Variants in CWF19L2 observed in about 807,000 individuals in gnomAD.
CWF19L2 encodes CWF19 like cell cycle control factor 2.
Under a neutral mutation model 111.7 loss-of-function variants are expected in CWF19L2, and 98 were observed. The ratio of observed to expected loss-of-function variants is 0.88; its 90% CI spans 0.75 to 1.04. CWF19L2 has a LOEUF of 1.04. Among genes scored for constraint, CWF19L2 ranks in the 50% least tolerant of loss-of-function variants. The pLI, the probability that CWF19L2 is intolerant of heterozygous loss-of-function variation, is 0.00. For missense variants in CWF19L2, 1,101 were observed against 1,051.4 expected (o/e 1.05, Z -0.65); for synonymous variants, 351 against 342.9 (o/e 1.02, Z -0.26).
At chr11:107,439,942 C>T (rs1285089850) in intron 5 of CWF19L2, among the ~76,000 whole-genome samples, 2 of 152,246 alleles carry the variant, frequency 1.3e-5, no homozygotes, top group East Asian at 1.9e-4. Flanking sequence ...ATCAGAGGCA[C>T]AAGTTCAGTC....
At chr11:107,380,525 C>T (rs2134583372) in intron 12 of CWF19L2, among the ~76,000 whole-genome samples, 1 of 152,202 alleles carries the variant, frequency 6.6e-6, no homozygotes. Context: ...GATACCACTT[C>T]ACACCAAGGA....
chr11:107,338,247 C>G (rs1051406054), intron 14 of CWF19L2, among the ~76,000 whole-genome samples: 1 of 151,982 alleles, frequency 6.6e-6, no homozygotes, highest in African/African-American at 2.4e-5. Flanking sequence ...CTCCTGTTAC[C>G]CTTTTACAGT....
At chr11:107,374,005 G>C (rs889149580) in intron 12 of CWF19L2, among the ~76,000 whole-genome samples, 1 of 137,040 alleles carries the variant, frequency 7.3e-6, no homozygotes, top group Non-Finnish European at 1.6e-5. Context: ...CGATCAACTG[G>C]AAGAAAGGGT....
chr11:107,357,044 A>G lies in CWF19L2; in HGVS notation c.1873-3308T>C, dbSNP rs1860247586. On this transcript the variant is annotated intron_variant, in intron 12 of 17. Coordinates refer to ENST00000282251, the MANE Select transcript of CWF19L2 (RefSeq NM_152434.3). The stretch of plus-strand genomic sequence containing the variant: ...CAAGAGTGAAACTGCGTCTCAAACA[A>G]CAAAACAAAAACAAAAACAAAAACA... Among the ~76,000 whole-genome samples the G allele has an allele frequency of 1.0e-4, 7 of 68,142 alleles. 1 individual carries two copies. In the South Asian group the frequency reaches 2.6e-3, roughly 26 times the overall value. The allele number at this position is 68,142 out of a possible 152,430, so 44.7% of individuals were successfully genotyped here.
chr11:107,448,434 A>G (rs1371234533), intron 3 of CWF19L2, among the ~76,000 whole-genome samples: 1 of 151,964 alleles, frequency 6.6e-6, no homozygotes, highest in Non-Finnish European at 1.5e-5. Flanking sequence ...TAGAAAGGAA[A>G]AAGGCTAGAA....
At chr11:107,417,655 T>C (rs1861245830) in intron 9 of CWF19L2, among the ~76,000 whole-genome samples, 1 of 152,076 alleles carries the variant, frequency 6.6e-6, no homozygotes, top group Non-Finnish European at 1.5e-5. Flanking sequence ...AAAAGAAATT[T>C]AAAAGCATGA....
chr11:107,355,190 G>C (rs1242381947), intron 12 of CWF19L2, among the ~76,000 whole-genome samples: 4 of 152,128 alleles, frequency 2.6e-5, no homozygotes, highest in African/African-American at 9.7e-5. Flanking sequence ...GCCAAGGCAG[G>C]CGGATCACGA....
chr11:107,432,626 A>C (rs75008696), intron 7 of CWF19L2, among the ~76,000 whole-genome samples: 1,860 of 152,312 alleles, frequency 0.012, 22 homozygotes, highest in Non-Finnish European at 0.019. Flanking sequence ...CAAATGTATA[A>C]AAACAAAAGC....
intron 3 of CWF19L2, among the ~76,000 whole-genome samples, chr11:107,443,905 G>A (rs1430498665): frequency 6.6e-6 from 1 of 151,918 alleles, no homozygotes; most frequent in African/African-American, 2.4e-5. Flanking sequence ...CCTACCCACC[G>A]CCCAAAACAT....
chr11:107,428,590 C>A (rs1186973951), intron 8 of CWF19L2, among the ~76,000 whole-genome samples: 3 of 82,320 alleles, frequency 3.6e-5, no homozygotes, highest in African/African-American at 1.1e-4. Flanking sequence ...ATAGCTACTG[C>A]TTTCAGCTCT....
chr11:107,433,617 T>G lies in CWF19L2; in HGVS notation c.780+17A>C. On this transcript the variant is annotated intron_variant, in intron 7 of 17. Coordinates refer to ENST00000282251, the MANE Select transcript of CWF19L2 (RefSeq NM_152434.3). ...AATTCTGAAAATAAGAGGCATCTCC[T>G]TAAAACAGATACTCACCCCATATCT... The G allele has an allele frequency of 7.5e-7, 1 of 1,324,970 alleles. No homozygotes were observed. The highest frequency in any genetic ancestry group is 2.7e-5 in the East Asian group (1 of 37,380). 82.1% of individuals were successfully genotyped at this position (1,324,970 alleles called of 1,614,324 possible).
chr11:107,352,346 T>C (rs1289059653), intron 13 of CWF19L2, among the ~76,000 whole-genome samples: 1 of 152,094 alleles, frequency 6.6e-6, no homozygotes, highest in African/African-American at 2.4e-5. Context: ...CTGCTCCCCA[T>C]AAAGCTGTAA....
intron 10 of CWF19L2, among the ~76,000 whole-genome samples, chr11:107,402,563 C>CA (rs1861015968): frequency 6.6e-6 from 1 of 151,842 alleles, no homozygotes; most frequent in Non-Finnish European, 1.5e-5. Context: ...TGAGCATAAT[C>CA]AAAAAATCGA....
In CWF19L2 at chr11:107,416,173, CA is replaced by C. The variant is rs779584732; in HGVS notation, c.1617+35del. On this transcript the variant is annotated intron_variant, in intron 10 of 17. Coordinates refer to ENST00000282251, the MANE Select transcript of CWF19L2 (RefSeq NM_152434.3). ...TACCACTGCCCGGTGGTAGTTTACA[CA>C]AGGTAATTACATTCTCCAAACTTTT... The C allele has an allele frequency of 4.0e-5, 26 of 652,694 alleles. No homozygotes were observed. The African/African-American group carries it at 4.7e-4, about 12-fold the overall frequency. 40.4% of individuals were successfully genotyped at this position (652,694 alleles called of 1,614,324 possible). A position where few individuals can be genotyped will look rare whatever the true frequency, so the allele number is the denominator to read the frequency against.
At chr11:107,331,106 C>A (rs1235833130) in intron 16 of CWF19L2, among the ~76,000 whole-genome samples, 1 of 152,014 alleles carries the variant, frequency 6.6e-6, no homozygotes, top group Non-Finnish European at 1.5e-5. Flanking sequence ...AAATGGGATA[C>A]CATTTGTGGC....
chr11:107,428,341 G>A (rs1415494758), intron 8 of CWF19L2, among the ~76,000 whole-genome samples: 1 of 151,916 alleles, frequency 6.6e-6, no homozygotes, highest in Non-Finnish European at 1.5e-5. Flanking sequence ...CAAGATCTCT[G>A]GCATGTATTT....
chr11:107,443,318 T>TA (rs1861658053), intron 3 of CWF19L2, among the ~76,000 whole-genome samples: 1 of 151,702 alleles, frequency 6.6e-6, no homozygotes, highest in African/African-American at 2.4e-5. Flanking sequence ...CCATCTCTAC[T>TA]AAAAATACAA....
chr11:107,358,111 T>C (rs1860265839), intron 12 of CWF19L2, among the ~76,000 whole-genome samples: 3 of 152,276 alleles, frequency 2.0e-5, no homozygotes, highest in Middle Eastern at 6.8e-3. Flanking sequence ...GTCAAGGATG[T>C]GGTAAAATAA....
chr11:107,351,814 T>G (rs1054505737), intron 13 of CWF19L2, among the ~76,000 whole-genome samples: 2 of 152,160 alleles, frequency 1.3e-5, no homozygotes, highest in African/African-American at 4.8e-5. Flanking sequence ...CAAGAGGCCT[T>G]GTGTACTTCT....
Sources: gnomAD v4.1 joint callset for allele counts (sites outside exome capture counted in the v4.1 genomes callset) on GRCh38, gnomAD v4.1.1 for gene constraint, MANE v1.5 for transcripts, NCBI Gene and HGNC (gene_info 2026-07-23, HGNC 2026-07-21) for gene names.